The following SEM1 variants were observed in gnomAD, a reference collection of about 807,000 sequenced individuals.
SEM1 encodes the protein 26S proteasome complex subunit SEM1.
SEM1 carries 3 observed loss-of-function variants against 12.7 expected under a neutral mutation model. The ratio of observed to expected loss-of-function variants is 0.24; its 90% CI spans 0.11 to 0.61. The LOEUF (loss-of-function observed/expected upper bound fraction) is 0.61. SEM1 is among the 20% of genes least tolerant of loss of function. The probability of loss-of-function intolerance (pLI) is 0.88; values close to 1 mark genes in which losing one functional copy is unlikely to be tolerated. For synonymous variants in SEM1, 30 were observed against 27.8 expected (o/e 1.08, Z -0.25); for missense variants, 59 against 81.3 (o/e 0.73, Z 1.06).
At chr7:96,656,199 A>G (rs867013074) in intron 2 of SEM1, among the ~76,000 whole-genome samples, 2 of 152,314 alleles carry the variant, frequency 1.3e-5, no homozygotes, top group Middle Eastern at 3.4e-3. Flanking sequence ...TGCTGTACAC[A>G]CAAGATGTTG....
At chr7:96,649,523 G>A (rs1808901977) in intron 2 of SEM1, 1 of 152,182 alleles carries the variant, frequency 6.6e-6, no homozygotes, top group South Asian at 2.1e-4. Flanking sequence ...CAACACTGAA[G>A]ACAGCCAACT....
chr7:96,591,067 T>C (rs1806814511), intron 2 of SEM1, among the ~76,000 whole-genome samples: 1 of 152,230 alleles, frequency 6.6e-6, no homozygotes, highest in Non-Finnish European at 1.5e-5. Flanking sequence ...AGATGTAATA[T>C]ACTTGGCAAT....
upstream of SEM1, among the ~76,000 whole-genome samples, chr7:96,501,280 A>T (rs541085058): frequency 4.3e-4 from 66 of 152,232 alleles, no homozygotes; most frequent in African/African-American, 1.5e-3. Flanking sequence ...ACTTCTCTAT[A>T]TGGAAATAAA....
At chr7:96,508,775 A>G (rs1018396365) in intron 2 of SEM1, among the ~76,000 whole-genome samples, 4 of 152,134 alleles carry the variant, frequency 2.6e-5, no homozygotes, top group African/African-American at 9.7e-5. Flanking sequence ...CATTCCAAAT[A>G]CTACAAGATA....
intron 1 of SEM1, among the ~76,000 whole-genome samples, chr7:96,707,094 T>G (rs1270721033): frequency 1.3e-5 from 2 of 151,814 alleles, no homozygotes; most frequent in South Asian, 2.1e-4. Context: ...AACATCTCTC[T>G]TAGGAATCCT....
chr7:96,706,005 T>C (rs539653356), intron 1 of SEM1, among the ~76,000 whole-genome samples: 2 of 152,232 alleles, frequency 1.3e-5, no homozygotes, highest in South Asian at 4.1e-4. Flanking sequence ...ACCCAGGACC[T>C]TGAATGTCTT....
At chr7:96,682,922 A>C (rs1249197004) in intron 2 of SEM1, among the ~76,000 whole-genome samples, 1 of 152,206 alleles carries the variant, frequency 6.6e-6, no homozygotes, top group African/African-American at 2.4e-5. Flanking sequence ...TCTCAAAAGA[A>C]GACATTTATG....
chr7:96,706,733 T>C (rs1790479383), intron 1 of SEM1, among the ~76,000 whole-genome samples: 1 of 152,132 alleles, frequency 6.6e-6, no homozygotes. Context: ...GAAAATCTAT[T>C]AGTCGAACCA....
At chr7:96,590,516 TTA>T (rs1375533354) in intron 2 of SEM1, among the ~76,000 whole-genome samples, 4 of 152,184 alleles carry the variant, frequency 2.6e-5, no homozygotes, top group Non-Finnish European at 5.9e-5. Context: ...AACGTAATGA[TTA>T]TATATACTGG....
chr7:96,697,270 G>T (rs563269422), intron 1 of SEM1: 1 of 151,554 alleles, frequency 6.6e-6, no homozygotes, highest in Non-Finnish European at 1.5e-5. Flanking sequence ...TATTTTAGAC[G>T]TTGTCCCAAA....
chr7:96,501,609 A>C (rs1196494925), intron 3 of SEM1, among the ~76,000 whole-genome samples: 2 of 152,190 alleles, frequency 1.3e-5, no homozygotes, highest in Non-Finnish European at 1.5e-5. Context: ...AGCACACTGA[A>C]CTATGTTAAC....
chr7:96,635,794 GA>G (rs1441292695), intron 2 of SEM1, among the ~76,000 whole-genome samples: 3 of 151,608 alleles, frequency 2.0e-5, no homozygotes, highest in East Asian at 3.9e-4. Flanking sequence ...TATTGTAATA[GA>G]AAAAAAATTA....
chr7:96,515,890 G>C (rs62470048), intron 2 of SEM1, among the ~76,000 whole-genome samples: 19,422 of 151,994 alleles, frequency 0.13, 1,330 homozygotes, highest in South Asian at 0.19. Flanking sequence ...GTCGGGGACT[G>C]GGGGAGGGAT....
chr7:96,673,991 C>T (rs960421989), intron 2 of SEM1: 14 of 626,796 alleles, frequency 2.2e-5, no homozygotes, highest in Non-Finnish European at 3.7e-5. Context: ...CCATCCCCAT[C>T]TCTACCTCCC....
chr7:96,488,605 G>A (rs1368646043), intron 1 of SEM1, among the ~76,000 whole-genome samples: 2 of 152,022 alleles, frequency 1.3e-5, no homozygotes, highest in East Asian at 3.9e-4. Flanking sequence ...TGAAAATCAA[G>A]GAAACAAATA....
At position 96,633,034 on chromosome 7, in the gene SEM1, G is replaced by A. The variant is rs576237915; in HGVS notation, c.171-10391C>T. On this transcript the variant is annotated intron_variant, in intron 2 of 2. Coordinates refer to the SEM1 transcript ENST00000417009. ...CCAGACACAAAGTGCTTGGTTCAAT[G>A]CTGAGTGACTCTACTGGCTGAATGT... 4.8e-4 allele frequency among the ~76,000 whole-genome samples: 73 copies of A among 152,056 alleles called. 1 individual carries two copies. Among genetic ancestry groups the A allele is most frequent in the African/African-American group, 1.7e-3 (69 of 41,476 alleles).
chr7:96,484,101 A>C, intron 3 of SEM1: 1 of 1,017,274 alleles, frequency 9.8e-7, no homozygotes, highest in Non-Finnish European at 1.4e-6. Context: ...AATCATCCCC[A>C]TTTTAGAGAT....
At chr7:96,523,350 A>G (rs1374585127) in intron 2 of SEM1, among the ~76,000 whole-genome samples, 1 of 152,108 alleles carries the variant, frequency 6.6e-6, no homozygotes, top group Non-Finnish European at 1.5e-5. Context: ...GTGGTTGGGG[A>G]TCAGGGAAGT....
intron 2 of SEM1, among the ~76,000 whole-genome samples, chr7:96,522,569 A>G (rs983714775): frequency 1.6e-5 from 2 of 123,968 alleles, no homozygotes; most frequent in African/African-American, 3.8e-5. Flanking sequence ...GCTTTGTGAG[A>G]AAAAAAAAAA....
Sources: allele counts gnomAD v4.1 joint callset (sites outside exome capture counted in the v4.1 genomes callset), GRCh38; gene constraint gnomAD v4.1.1; transcripts MANE v1.5; gene names NCBI Gene and HGNC (gene_info 2026-07-23, HGNC 2026-07-21).